The following DGLUCY variants were observed in gnomAD, a reference collection of about 807,000 sequenced individuals.
DGLUCY encodes the protein D-glutamate cyclase, mitochondrial.
A neutral mutation model predicts 58.5 loss-of-function variants in DGLUCY; 58 were observed. The ratio of observed to expected loss-of-function variants is 0.99; its 90% CI spans 0.80 to 1.23. The LOEUF (loss-of-function observed/expected upper bound fraction) is 1.23. Ranked by LOEUF, DGLUCY falls within the 50% of genes most tolerant of loss-of-function variation. DGLUCY has a pLI of 0.00. For missense variants in DGLUCY, 779 were observed against 784.7 expected, an observed-to-expected ratio of 0.99 and a Z score of 0.09; for synonymous variants, 325 against 314.1, an observed-to-expected ratio of 1.03 and a Z score of -0.37.
chr14:91,215,991 G>A (rs1024116917), intron 13 of DGLUCY: 69 of 331,634 alleles, frequency 2.1e-4, no homozygotes, highest in Middle Eastern at 2.2e-3. Flanking sequence ...AAGTCAATCA[G>A]CCATACTAAG....
At chr14:91,204,010 G>T (rs1480631107) in intron 11 of DGLUCY, among the ~76,000 whole-genome samples, 1 of 150,736 alleles carries the variant, frequency 6.6e-6, no homozygotes, top group Admixed American at 6.7e-5. Context: ...CAAGGGTAGA[G>T]GTATCTGCTA....
intron 4 of DGLUCY, 137 bp downstream of exon 4, chr14:91,167,515 G>C (rs1247289786): frequency 1.7e-6 from 2 of 1,186,224 alleles, no homozygotes; most frequent in Non-Finnish European, 1.2e-6. Flanking sequence ...ACTCATGACT[G>C]TTGCTCAGGA....
chr14:91,081,053 A>T (rs1209684480), intron 1 of DGLUCY, among the ~76,000 whole-genome samples: 2 of 152,184 alleles, frequency 1.3e-5, no homozygotes, highest in Non-Finnish European at 2.9e-5. Flanking sequence ...AATACAAAAA[A>T]TTAGCTGGGC....
chr14:91,184,647 G>A (rs1171397794), intron 8 of DGLUCY, among the ~76,000 whole-genome samples: 1 of 116,258 alleles, frequency 8.6e-6, no homozygotes, highest in Non-Finnish European at 1.8e-5. Context: ...GAGGGAGGGA[G>A]GGAGGGAGGG....
At chr14:91,223,853 C>T in intron 13 of DGLUCY, 1 of 430,370 alleles carries the variant, frequency 2.3e-6, no homozygotes, top group Non-Finnish European at 3.9e-6. Context: ...TTTATCATCA[C>T]CCTCCCCATT....
At chr14:91,189,207 C>G (rs2273482) in intron 9 of DGLUCY, 37 bp downstream of exon 9, 1 of 1,609,356 alleles carries the variant, frequency 6.2e-7, no homozygotes, top group Admixed American at 1.7e-5. Context: ...TTTCCCCAAA[C>G]GGGCTTTGTG....
intron 1 of DGLUCY, among the ~76,000 whole-genome samples, chr14:91,155,418 T>C (rs2047561816): frequency 6.6e-6 from 1 of 152,184 alleles, no homozygotes; most frequent in African/African-American, 2.4e-5. Flanking sequence ...ATGTATTTGG[T>C]CTTCCTCTGG....
chr14:91,149,313 CT>C (rs901918284), intron 1 of DGLUCY, among the ~76,000 whole-genome samples: 5 of 152,044 alleles, frequency 3.3e-5, no homozygotes, highest in Admixed American at 1.3e-4. Context: ...GCATACTTTG[CT>C]ATTAGTTCAG....
intron 1 of DGLUCY, among the ~76,000 whole-genome samples, chr14:91,153,603 C>T (rs1411750078): frequency 6.6e-6 from 1 of 152,150 alleles, no homozygotes; most frequent in African/African-American, 2.4e-5. Context: ...AAGAGGAAAA[C>T]CCCCTCCCTT....
chr14:91,199,667 G>C (rs1010810170), intron 10 of DGLUCY, 90 bp from the exon 11 acceptor site: 2 of 1,431,708 alleles, frequency 1.4e-6, no homozygotes, highest in African/African-American at 2.9e-5. Context: ...AAAAAGAAGC[G>C]TCTTTCGCGC....
chr14:91,080,983 A>C (rs2044113761), intron 1 of DGLUCY, among the ~76,000 whole-genome samples: 1 of 152,126 alleles, frequency 6.6e-6, no homozygotes, highest in Non-Finnish European at 1.5e-5. Flanking sequence ...GCCGGTGGTC[A>C]CCTGAGGTCA....
chr14:91,071,280 T>G (rs1362687372), intron 1 of DGLUCY, among the ~76,000 whole-genome samples: 2 of 138,874 alleles, frequency 1.4e-5, no homozygotes, highest in South Asian at 2.2e-4. Context: ...GAGGTTGCAG[T>G]AAGCTGAGAT....
exon 1 of DGLUCY, chr14:91,060,542 C>A (rs967390993): frequency 2.6e-5 from 31 of 1,215,008 alleles, no homozygotes; most frequent in Admixed American, 8.7e-5. Context: ...CGGGGTGCGG[C>A]GGCTCCAGAA....
intron 1 of DGLUCY, among the ~76,000 whole-genome samples, chr14:91,064,019 A>G (rs1398194301): frequency 6.6e-6 from 1 of 152,200 alleles, no homozygotes; most frequent in Non-Finnish European, 1.5e-5. Flanking sequence ...TTCTATGTTT[A>G]TATTTTGAAC....
At chr14:91,075,276 G>A (rs1396477045) in intron 1 of DGLUCY, among the ~76,000 whole-genome samples, 3 of 151,986 alleles carry the variant, frequency 2.0e-5, no homozygotes, top group Non-Finnish European at 4.4e-5. Flanking sequence ...TGTCACAGTA[G>A]CATTTACTTT....
At chr14:91,174,430 C>G (rs912558381) in intron 6 of DGLUCY, among the ~76,000 whole-genome samples, 1 of 152,132 alleles carries the variant, frequency 6.6e-6, no homozygotes, top group Non-Finnish European at 1.5e-5. Context: ...CTCAGCCTCC[C>G]AAGTAGCTGG....
At chr14:91,200,489 G>A (rs2140585482) in intron 11 of DGLUCY, among the ~76,000 whole-genome samples, 1 of 152,214 alleles carries the variant, frequency 6.6e-6, no homozygotes, top group East Asian at 1.9e-4. Flanking sequence ...TTGAGGCATG[G>A]CATATTATTT....
chr14:91,114,260 T>C lies in DGLUCY; in HGVS notation c.-105T>C, dbSNP rs2044771923. ...CAAAGGGAGGAACTGTTTGTAGCCCTCGTCCAGACGCCCCAAACAAACAGT... is the reference window on the plus strand; with the variant it reads ...CAAAGGGAGGAACTGTTTGTAGCCCCCGTCCAGACGCCCCAAACAAACAGT... On this transcript the variant is annotated 5_prime_UTR_variant, in exon 1 of 14. Coordinates refer to ENST00000256324, the MANE Select transcript of DGLUCY (RefSeq NM_001102368.3). 1 of 152,330 alleles carries C rather than the reference T, an allele frequency of 6.6e-6. No homozygotes were observed. The highest frequency in any genetic ancestry group is 1.5e-5 in the Non-Finnish European group (1 of 68,156). 9.4% of individuals were successfully genotyped at this position (152,330 alleles called of 1,614,324 possible). A position where few individuals can be genotyped will look rare whatever the true frequency, so the allele number is the denominator to read the frequency against.
chr14:91,062,605 AT>A (rs1566925757), intron 1 of DGLUCY, among the ~76,000 whole-genome samples: 2 of 31,662 alleles, frequency 6.3e-5, no homozygotes, highest in Non-Finnish European at 5.4e-5. Flanking sequence ...ATATATATAT[AT>A]ATATAAACAA....
Sources: allele counts gnomAD v4.1 joint callset (sites outside exome capture counted in the v4.1 genomes callset), GRCh38; gene constraint gnomAD v4.1.1; transcripts MANE v1.5; gene names NCBI Gene and HGNC (gene_info 2026-07-23, HGNC 2026-07-21).